The following SNX14 variants were observed in gnomAD, a reference collection of about 807,000 sequenced individuals.
The protein encoded by SNX14 is sorting nexin 14, also known as sorting nexin-14.
A neutral mutation model predicts 133.8 loss-of-function variants in SNX14; 93 were observed. The observed-to-expected ratio is 0.70, with a 90% CI of 0.59 to 0.83. The LOEUF (loss-of-function observed/expected upper bound fraction) is 0.83. Ranked by LOEUF, SNX14 falls within the 40% of genes least tolerant of loss-of-function variation. The probability of loss-of-function intolerance (pLI) is 0.00; values close to 1 mark genes in which losing one functional copy is unlikely to be tolerated. For missense variants in SNX14, 945 were observed against 1,094.9 expected, an observed-to-expected ratio of 0.86 and a Z score of 1.93; for synonymous variants, 368 against 365.6, an observed-to-expected ratio of 1.01 and a Z score of -0.07.
intron 2 of SNX14, 141 bp downstream of exon 2, chr6:85,574,117 A>AC: frequency 1.3e-5 from 6 of 454,380 alleles, no homozygotes; most frequent in South Asian, 8.7e-5. Flanking sequence ...ACCTAAAAAA[A>AC]ACAAAAAAAA....
intron 1 of SNX14, among the ~76,000 whole-genome samples, chr6:85,577,325 G>C (rs531195846): frequency 6.6e-6 from 1 of 152,242 alleles, no homozygotes; most frequent in South Asian, 2.1e-4. Context: ...AGGTGAGGCA[G>C]GAGAATTGCT....
Position 85,533,693 on chromosome 6 carries a change from T to C in SNX14, c.1716A>G (p.Val572=). 4 of 1,614,026 alleles carry C rather than the reference T, an allele frequency of 2.5e-6. No individual in the cohort carries two copies. In the South Asian group the frequency reaches 3.3e-5, roughly 13 times the overall value. ...CAGAGGAGGGATCCTCAAAAAAGTC[T>C]ACATATGGAATGCTAATTTTCCATG... is the stretch of plus-strand genomic sequence containing the variant. The part of the protein sequence containing the change: ...LAAWKISIPY[V]DFFEDPSSER... The change falls in exon 18 of 29, where the codon GTA becomes GTG. Residue 572 remains valine, a synonymous_variant. Transcript: ENST00000314673.
intron 21 of SNX14, among the ~76,000 whole-genome samples, chr6:85,522,701 T>C (rs1301316938): frequency 6.6e-6 from 1 of 152,178 alleles, no homozygotes; most frequent in African/African-American, 2.4e-5. Context: ...TTAGGTTTCA[T>C]TGTTTAAAAT....
chr6:85,526,307 T>G, intron 20 of SNX14, 70 bp from the exon 21 acceptor site: 1 of 927,170 alleles, frequency 1.1e-6, no homozygotes. Flanking sequence ...TGTATTTTAA[T>G]TTCTTTAAAT....
Position 85,539,655 on chromosome 6 carries a change from A to G in SNX14, c.1449-791T>C, listed in dbSNP as rs974259506. 2.8e-4 allele frequency among the ~76,000 whole-genome samples: 42 copies of G among 152,120 alleles called. 1 individual carries two copies. Among genetic ancestry groups the G allele is most frequent in the African/African-American group, 9.2e-4 (38 of 41,466 alleles). On this transcript the variant is annotated intron_variant, in intron 15 of 28. Transcript: ENST00000314673. Reference sequence around the variant, plus strand: ...TTAAGAAACTCTTTTAACTTATTATATATAGGTAAATAAATCATTAAGTAT... The same window carrying G: ...TTAAGAAACTCTTTTAACTTATTATGTATAGGTAAATAAATCATTAAGTAT...
chr6:85,541,758 G>C (rs1290741203), intron 15 of SNX14, among the ~76,000 whole-genome samples: 1 of 152,096 alleles, frequency 6.6e-6, no homozygotes, highest in Non-Finnish European at 1.5e-5. Flanking sequence ...TTCATTATGA[G>C]ATTAACAAGG....
chr6:85,562,793 T>C (rs998584996), intron 6 of SNX14, among the ~76,000 whole-genome samples: 1 of 152,122 alleles, frequency 6.6e-6, no homozygotes, highest in Non-Finnish European at 1.5e-5. Flanking sequence ...GGTTTCACCA[T>C]GTTGGCCAGG....
intron 12 of SNX14, among the ~76,000 whole-genome samples, chr6:85,544,041 T>G (rs1784719613): frequency 6.6e-6 from 1 of 152,160 alleles, no homozygotes; most frequent in African/African-American, 2.4e-5. Context: ...AATAGTTTCC[T>G]TAAAGAATAT....
chr6:85,559,929 C>T (rs1790994850), intron 6 of SNX14, among the ~76,000 whole-genome samples: 1 of 152,128 alleles, frequency 6.6e-6, no homozygotes, highest in African/African-American at 2.4e-5. Context: ...CAATTCAAAG[C>T]CACCATGGAA....
intron 7 of SNX14, among the ~76,000 whole-genome samples, chr6:85,553,542 T>C (rs1020744590): frequency 3.9e-5 from 6 of 152,156 alleles, no homozygotes; most frequent in Admixed American, 3.9e-4. Flanking sequence ...CCCAGCACCT[T>C]AGGAGGCCGA....
rs552106070 is a variant in SNX14, at chr6:85,588,570, C to T, written c.140+5009G>A. Among the ~76,000 whole-genome samples, 26 of 86,358 alleles carry T rather than the reference C, an allele frequency of 3.0e-4. No individual in the cohort carries two copies. In the South Asian group the frequency reaches 5.4e-3, roughly 18 times the overall value. The allele number at this position is 86,358 out of a possible 152,430, so 56.7% of individuals were successfully genotyped here. On this transcript the variant is annotated intron_variant, in intron 1 of 28. Transcript: ENST00000314673. ...CTGGCCTGAGCAAAGAGCGAGACTC[C>T]GTCTCTAAATAAATAAATAAATAAA...
At chr6:85,585,454 G>C (rs1019009553) in intron 1 of SNX14, among the ~76,000 whole-genome samples, 10 of 151,394 alleles carry the variant, frequency 6.6e-5, no homozygotes, top group African/African-American at 2.4e-4. Flanking sequence ...AGAAACTTGG[G>C]GGGAAAAACA....
chr6:85,547,426 G>C (rs758175524), intron 10 of SNX14, 29 bp from the exon 11 acceptor site: 1 of 1,609,120 alleles, frequency 6.2e-7, no homozygotes, highest in Non-Finnish European at 8.5e-7. Context: ...TATTAACTCA[G>C]TAAAATTCCC....
rs962414994 is a variant in SNX14, at chr6:85,526,156, G to A, written c.2077C>T (p.Leu693Phe). 9 of 1,604,704 alleles carry A rather than the reference G, an allele frequency of 5.6e-6. No individual in the cohort carries two copies. The Middle Eastern group carries it at 8.3e-4, about 148-fold the overall frequency. ...LSPNGGETQF[L>F]DKILPDVNLG... ...TTTACATCTGGTAGTATCTTATCAA[G>A]AAATTGTGTTTCCCCACCATTAGGG... The change falls in exon 21 of 29, where the codon CTT becomes TTT. Residue 693 changes from leucine (L) to phenylalanine (F), a missense_variant. Leu to Phe is a conservative substitution (Grantham distance 22, BLOSUM62 0). This residue lies in a region of SNX14 where 412 missense variants were observed against 516.6 expected (regional missense o/e 0.80). Coordinates refer to ENST00000314673, the MANE Select transcript of SNX14 (RefSeq NM_153816.6).
At chr6:85,580,252 C>A (rs894842713) in intron 1 of SNX14, among the ~76,000 whole-genome samples, 2 of 152,002 alleles carry the variant, frequency 1.3e-5, no homozygotes, top group African/African-American at 2.4e-5. Context: ...AGAAGGAAAC[C>A]CACTGCCTTT....
At chr6:85,513,624 C>T (rs1274929231) in intron 26 of SNX14, among the ~76,000 whole-genome samples, 176 bp downstream of exon 26, 1 of 152,176 alleles carries the variant, frequency 6.6e-6, no homozygotes, top group Non-Finnish European at 1.5e-5. Context: ...ATATCTTAGT[C>T]TTAGTGCTAA....
chr6:85,592,864 A>G (rs1275113739), intron 1 of SNX14, among the ~76,000 whole-genome samples: 1 of 150,804 alleles, frequency 6.6e-6, no homozygotes, highest in Non-Finnish European at 1.5e-5. Context: ...TTAGCGTGGT[A>G]GCGTGGTGGC....
Position 85,549,879 on chromosome 6 carries a change from AC to A in SNX14, c.635-1del. The A allele has an allele frequency of 6.3e-7, 1 of 1,594,952 alleles. No individual in the cohort carries two copies. The highest frequency in any genetic ancestry group is 1.4e-5 in the African/African-American group (1 of 73,850). On this transcript the variant is annotated splice_acceptor_variant, in intron 7 of 28. Coordinates refer to ENST00000314673, the MANE Select transcript of SNX14 (RefSeq NM_153816.6). LOFTEE classifies it high-confidence loss of function. The stretch of plus-strand genomic sequence containing the variant: ...TTGCTGTAAAAACTCTGTATTTTTT[AC>A]TATAGAGATTAAAGATAAATATTGA...
At chr6:85,546,790 C>T (rs996438950) in intron 12 of SNX14, among the ~76,000 whole-genome samples, 1 of 151,916 alleles carries the variant, frequency 6.6e-6, no homozygotes, top group African/African-American at 2.4e-5. Flanking sequence ...TGGAGAAACC[C>T]CATCTCTACT....
Sources: allele counts gnomAD v4.1 joint callset (sites outside exome capture counted in the v4.1 genomes callset), GRCh38; gene constraint gnomAD v4.1.1; regional missense constraint gnomAD v4.1.1; transcripts MANE v1.5; gene names NCBI Gene and HGNC (gene_info 2026-07-23, HGNC 2026-07-21).